TECPR2: variants seen among roughly 807,000 people sequenced by gnomAD.
TECPR2 encodes tectonin beta-propeller repeat-containing protein 2.
Under a neutral mutation model 138.1 loss-of-function variants are expected in TECPR2, and 65 were observed. The ratio of observed to expected loss-of-function variants is 0.47; its 90% CI spans 0.39 to 0.58. The LOEUF (loss-of-function observed/expected upper bound fraction) is 0.58. Among genes scored for constraint, TECPR2 ranks in the 20% least tolerant of loss-of-function variants. The probability of loss-of-function intolerance (pLI) is 0.00; values close to 1 mark genes in which losing one functional copy is unlikely to be tolerated. For synonymous variants in TECPR2, 746 were observed against 749.8 expected (o/e 0.99, Z 0.08); for missense variants, 1,553 against 1,824.5 (o/e 0.85, Z 2.71).
chr14:102,484,827 T>C (rs1183948148), intron 17 of TECPR2, among the ~76,000 whole-genome samples: 721 of 150,930 alleles, frequency 4.8e-3, no homozygotes, highest in African/African-American at 0.017. Flanking sequence ...CTGGCTAATT[T>C]TTGTATTTTT....
chr14:102,497,196 C>T, intron 18 of TECPR2, 76 bp downstream of exon 18: 2 of 1,537,874 alleles, frequency 1.3e-6, no homozygotes, highest in South Asian at 2.5e-5. Flanking sequence ...GGCGCTCCCT[C>T]CAGGCCGCTG....
At chr14:102,393,344 A>G (rs1183372148) in intron 2 of TECPR2, among the ~76,000 whole-genome samples, 4 of 152,116 alleles carry the variant, frequency 2.6e-5, no homozygotes, top group East Asian at 3.8e-4. Flanking sequence ...CTCATATTCT[A>G]TTTCTATATG....
chr14:102,398,072 C>CAAAAAAAAAAAAAAAAAA (rs560266373), intron 2 of TECPR2, among the ~76,000 whole-genome samples: 1 of 45,792 alleles, frequency 2.2e-5, no homozygotes, highest in African/African-American at 8.2e-5. Flanking sequence ...GATTCTGTCT[C>CAAAAAAAAAAAAAAAAAA]AAAAAAAAAA....
At chr14:102,492,360 T>C (rs1025900041) in intron 17 of TECPR2, among the ~76,000 whole-genome samples, 3 of 151,994 alleles carry the variant, frequency 2.0e-5, no homozygotes, top group African/African-American at 7.3e-5. Flanking sequence ...GTGTCAGGAG[T>C]GTGGCAGCAG....
chr14:102,445,657 C>T, intron 12 of TECPR2, 149 bp from the exon 13 acceptor site: 2 of 1,000,076 alleles, frequency 2.0e-6, no homozygotes, highest in Non-Finnish European at 2.9e-6. Context: ...CAGACCCAAA[C>T]TTCCTTCCCT....
At chr14:102,382,992 A>G (rs1395955154) in intron 2 of TECPR2, among the ~76,000 whole-genome samples, 3 of 152,172 alleles carry the variant, frequency 2.0e-5, no homozygotes, top group Admixed American at 1.3e-4. Flanking sequence ...GCCAGACTTC[A>G]GGTGATCCAT....
intron 10 of TECPR2, 115 bp downstream of exon 10, chr14:102,438,320 C>T (rs1889736908): frequency 3.8e-6 from 5 of 1,303,244 alleles, no homozygotes; most frequent in Non-Finnish European, 3.1e-6. Flanking sequence ...TCTGGGCTCA[C>T]GCTGCCGTGC....
At chr14:102,494,236 G>C (rs954806876) in intron 17 of TECPR2, among the ~76,000 whole-genome samples, 5 of 152,090 alleles carry the variant, frequency 3.3e-5, no homozygotes, top group Admixed American at 6.6e-5. Context: ...TGTTCTCTCT[G>C]TGTCTCTTAA....
chr14:102,412,197 T>C (rs1005109636), intron 4 of TECPR2, among the ~76,000 whole-genome samples: 3 of 138,660 alleles, frequency 2.2e-5, no homozygotes, highest in African/African-American at 8.1e-5. Flanking sequence ...AGTGGTGCAA[T>C]CACGGCTCAC....
chr14:102,497,209 T>C, intron 18 of TECPR2, 89 bp downstream of exon 18: 1 of 1,508,098 alleles, frequency 6.6e-7, no homozygotes, highest in African/African-American at 1.4e-5. Flanking sequence ...GGCCGCTGTC[T>C]GTGAGGCAGC....
At chr14:102,480,312 C>T (rs929581286) in intron 17 of TECPR2, among the ~76,000 whole-genome samples, 2 of 151,964 alleles carry the variant, frequency 1.3e-5, no homozygotes, top group East Asian at 3.9e-4. Flanking sequence ...GCAAGCTCCA[C>T]CTCCCGGGTT....
rs186736752 is a variant in TECPR2 at position 102,431,564 on chromosome 14, G to C, written c.1085-232G>C. Among the ~76,000 whole-genome samples the C allele has an allele frequency of 5.8e-4, 89 of 152,164 alleles. 1 individual carries two copies. Among genetic ancestry groups the C allele is most frequent in the Middle Eastern group, 6.8e-3 (2 of 294 alleles). On this transcript the variant is annotated intron_variant, in intron 7 of 19. Transcript: ENST00000359520. The stretch of plus-strand genomic sequence containing the variant: ...TCACTGTGTTAGCCAGGATGGTCTT[G>C]ATCTCCTGACCTTGTGATCCGCCCG...
At chr14:102,391,901 C>T (rs17717575) in intron 2 of TECPR2, among the ~76,000 whole-genome samples, 6,070 of 152,228 alleles carry the variant, frequency 0.04, 139 homozygotes, top group Middle Eastern at 0.088. Context: ...TTTTGGAAAA[C>T]GTTTAGCCTT....
chr14:102,476,753 A>T, intron 17 of TECPR2, among the ~76,000 whole-genome samples: 1 of 152,218 alleles, frequency 6.6e-6, no homozygotes, highest in East Asian at 1.9e-4. Context: ...TACTGTTATC[A>T]TTTCATTTAT....
At position 102,370,866 on chromosome 14, in the gene TECPR2, C is replaced by T. The variant is rs575362007; in HGVS notation, c.-72-5784C>T. Among the ~76,000 whole-genome samples the T allele has an allele frequency of 1.6e-4, 24 of 152,156 alleles. 1 individual carries two copies. In the South Asian group the frequency reaches 4.8e-3, roughly 30 times the overall value. ...GTGGGAGATGTACTGAATGGAGAAT[C>T]GGGGACATGGAGAGGAGAGGAGGAG... On this transcript the variant is annotated intron_variant, in intron 1 of 19. Transcript: ENST00000359520.
chr14:102,375,284 G>A (rs541848006), intron 1 of TECPR2, among the ~76,000 whole-genome samples: 29 of 152,070 alleles, frequency 1.9e-4, no homozygotes, highest in Non-Finnish European at 2.9e-4. Flanking sequence ...AGTTTGAGGC[G>A]TCAGTGAGTC....
At chr14:102,400,211 A>C (rs1483934850) in intron 2 of TECPR2, among the ~76,000 whole-genome samples, 2 of 151,854 alleles carry the variant, frequency 1.3e-5, no homozygotes, top group African/African-American at 2.4e-5. Context: ...ACACCCAGCT[A>C]ATTTTTGTAT....
intron 7 of TECPR2, among the ~76,000 whole-genome samples, chr14:102,429,525 C>T (rs1344862467): frequency 6.6e-6 from 1 of 152,126 alleles, no homozygotes; most frequent in Non-Finnish European, 1.5e-5. Flanking sequence ...TAATATGTGT[C>T]CTCTTGCGGA....
chr14:102,423,905 G>A (rs1305583079), intron 5 of TECPR2, among the ~76,000 whole-genome samples: 1 of 152,206 alleles, frequency 6.6e-6, no homozygotes, highest in Non-Finnish European at 1.5e-5. Context: ...ACTGAGCACA[G>A]CAATCAGACG....
Sources: gnomAD v4.1 joint callset for allele counts (sites outside exome capture counted in the v4.1 genomes callset) on GRCh38, gnomAD v4.1.1 for gene constraint, MANE v1.5 for transcripts, NCBI Gene and HGNC (gene_info 2026-07-23, HGNC 2026-07-21) for gene names.